The following CNTN6 variants were observed in gnomAD, a reference collection of about 807,000 sequenced individuals.
The protein encoded by CNTN6 is contactin 6.
A neutral mutation model predicts 122.8 loss-of-function variants in CNTN6; 137 were observed. The ratio of observed to expected loss-of-function variants is 1.12; its 90% CI spans 0.97 to 1.29. The LOEUF (loss-of-function observed/expected upper bound fraction) is 1.29. CNTN6 is among the 50% of genes most tolerant of loss of function. The pLI is 0.00. For synonymous variants in CNTN6, 570 were observed against 426.0 expected (o/e 1.34, Z -4.16); for missense variants, 1,634 against 1,223.4 (o/e 1.34, Z -5.01).
chr3:1,207,687 C>T (rs1009906293), intron 2 of CNTN6, among the ~76,000 whole-genome samples: 27 of 151,698 alleles, frequency 1.8e-4, no homozygotes, highest in Admixed American at 4.0e-4. Context: ...AGAATACAAA[C>T]GCTGTCACAG....
intron 6 of CNTN6, among the ~76,000 whole-genome samples, chr3:1,297,638 CTTTTT>C (rs71303106): frequency 7.2e-6 from 1 of 138,544 alleles, no homozygotes; most frequent in African/African-American, 2.6e-5. Context: ...TTGTTTTTTT[CTTTTT>C]TTTTTTTTTT....
chr3:1,281,058 T>G (rs1693326734), intron 5 of CNTN6, among the ~76,000 whole-genome samples: 1 of 152,186 alleles, frequency 6.6e-6, no homozygotes, highest in Non-Finnish European at 1.5e-5. Flanking sequence ...CCACAAAAGC[T>G]GAAGTCAGTT....
intron 2 of CNTN6, among the ~76,000 whole-genome samples, chr3:1,162,421 C>G (rs956046683): frequency 2.0e-5 from 3 of 152,098 alleles, no homozygotes; most frequent in Non-Finnish European, 4.4e-5. Context: ...ACCCCTTCTT[C>G]TTCGTAAAAG....
chr3:1,165,261 A>G (rs1030240728), intron 2 of CNTN6, among the ~76,000 whole-genome samples: 1 of 152,078 alleles, frequency 6.6e-6, no homozygotes, highest in Non-Finnish European at 1.5e-5. Context: ...CATTCTCATT[A>G]CCGCTCATCT....
intron 8 of CNTN6, among the ~76,000 whole-genome samples, chr3:1,322,636 A>ATG (rs1382894662): frequency 2.7e-5 from 4 of 150,478 alleles, no homozygotes; most frequent in East Asian, 2.0e-4. Flanking sequence ...ATATGTGTGT[A>ATG]TGTGTGTGTG....
rs118053184 is a variant in CNTN6 at position 1,213,266 on chromosome 3, T to G, written c.56-7421T>G. On this transcript the variant is annotated intron_variant, in intron 2 of 22. Coordinates refer to ENST00000446702, the MANE Select transcript of CNTN6 (RefSeq NM_001289080.2). Reference sequence around the variant, plus strand: ...AAAGCAAATGAATTAGCATTTGTTGTGTGCTTGTTTTGTGCCTGGCATAAT... The same window carrying G: ...AAAGCAAATGAATTAGCATTTGTTGGGTGCTTGTTTTGTGCCTGGCATAAT... Among the ~76,000 whole-genome samples the G allele has an allele frequency of 4.5e-3, 683 of 152,310 alleles. 24 individuals carry two copies. In the East Asian group the frequency reaches 0.056, roughly 12 times the overall value.
At chr3:1,249,067 A>T (rs2094621896) in intron 4 of CNTN6, among the ~76,000 whole-genome samples, 1 of 152,198 alleles carries the variant, frequency 6.6e-6, no homozygotes, top group South Asian at 2.1e-4. Flanking sequence ...GGTAACACTG[A>T]TGGTGCTGCC....
chr3:1,173,451 T>C, intron 2 of CNTN6: 1 of 357,426 alleles, frequency 2.8e-6, no homozygotes, highest in South Asian at 2.1e-5. Context: ...CAGGAAGTAT[T>C]ATAATCTCCA....
At chr3:1,309,051 G>A (rs774215550) in intron 7 of CNTN6, among the ~76,000 whole-genome samples, 12 of 152,052 alleles carry the variant, frequency 7.9e-5, no homozygotes, top group Non-Finnish European at 1.0e-4. Flanking sequence ...TCAGATATGC[G>A]TTTTGCCAAT....
intron 6 of CNTN6, among the ~76,000 whole-genome samples, chr3:1,296,514 C>G (rs1696266023): frequency 6.6e-6 from 1 of 152,022 alleles, no homozygotes; most frequent in Non-Finnish European, 1.5e-5. Context: ...GGGATTCATA[C>G]AGGTAGAAAA....
intron 2 of CNTN6, among the ~76,000 whole-genome samples, chr3:1,158,324 A>G (rs1440659113): frequency 2.0e-5 from 3 of 151,994 alleles, no homozygotes; most frequent in African/African-American, 2.4e-5. Flanking sequence ...TGCTATTTTT[A>G]TGTCTTCTTT....
At chr3:1,318,909 G>A (rs1341642758) in intron 7 of CNTN6, among the ~76,000 whole-genome samples, 2 of 151,702 alleles carry the variant, frequency 1.3e-5, no homozygotes, top group African/African-American at 2.4e-5. Flanking sequence ...GGAATCTGGG[G>A]CGGAAGAGGG....
At chr3:1,165,655 G>T (rs936875948) in intron 2 of CNTN6, among the ~76,000 whole-genome samples, 3 of 152,162 alleles carry the variant, frequency 2.0e-5, no homozygotes, top group African/African-American at 7.2e-5. Flanking sequence ...AGTAGCTGCT[G>T]AGTATCTCAC....
intron 16 of CNTN6, 73 bp from the exon 17 acceptor site, chr3:1,376,932 C>A: frequency 9.4e-7 from 1 of 1,067,070 alleles, no homozygotes; most frequent in African/African-American, 1.6e-5. Context: ...AAGTGAAATT[C>A]AAAAACAAAA....
Position 1,401,457 on chromosome 3 carries a change from T to G in CNTN6, c.2729T>G (p.Ile910Ser), listed in dbSNP as rs141852966. 2 of 1,611,780 alleles carry G rather than the reference T, an allele frequency of 1.2e-6. No homozygotes were observed. The highest frequency in any genetic ancestry group is 1.1e-5 in the South Asian group (1 of 90,970). The change falls in exon 21 of 23, where the codon ATT (isoleucine) becomes AGT (serine). Residue 910 changes from isoleucine (I) to serine (S), a missense_variant. Ile to Ser is a moderately radical substitution (Grantham distance 142). Transcript: ENST00000446702. ...GCTCCAAGCCAACCACCAGCAAACA[T>G]TGCCTGGAAGCTGACAAACTCTAAA... ...KSPPSQPPAN[I>S]AWKLTNSKLC... is the part of the protein sequence containing the mutation.
At chr3:1,387,557 T>TGTA (rs563214678) in intron 20 of CNTN6, among the ~76,000 whole-genome samples, 251 of 152,246 alleles carry the variant, frequency 1.6e-3, no homozygotes, top group Non-Finnish European at 2.8e-3. Context: ...AACTCTTGTG[T>TGTA]GTAGGGGGAG....
chr3:1,245,061 C>T lies in CNTN6; in HGVS notation c.358+17068C>T, dbSNP rs186277449. 2.4e-3 allele frequency among the ~76,000 whole-genome samples: 352 copies of T among 148,046 alleles called. 10 individuals are homozygous for T. The highest frequency in any genetic ancestry group is 0.022 in the Admixed American group (314 of 14,464). ...GTATACGTGCAAGTTACAGGGGATGCGATGGCCTGGTCTGGGCTCAGAGGC... is the reference window on the plus strand; with the variant it reads ...GTATACGTGCAAGTTACAGGGGATGTGATGGCCTGGTCTGGGCTCAGAGGC... On this transcript the variant is annotated intron_variant, in intron 4 of 22. Coordinates refer to ENST00000446702, the MANE Select transcript of CNTN6 (RefSeq NM_001289080.2).
At chr3:1,331,329 A>C (rs1702256216) in intron 11 of CNTN6, among the ~76,000 whole-genome samples, 1 of 152,030 alleles carries the variant, frequency 6.6e-6, no homozygotes, top group Non-Finnish European at 1.5e-5. Context: ...CTTAATAAAT[A>C]TCTGTGGAAT....
intron 1 of CNTN6, among the ~76,000 whole-genome samples, chr3:1,099,222 C>T (rs1006685967): frequency 2.4e-4 from 36 of 152,142 alleles, no homozygotes; most frequent in Middle Eastern, 3.4e-3. Context: ...GAGGCCGAGG[C>T]GGGCGGATCA....
Sources: allele counts gnomAD v4.1 joint callset (sites outside exome capture counted in the v4.1 genomes callset), GRCh38; gene constraint gnomAD v4.1.1; transcripts MANE v1.5; gene names NCBI Gene and HGNC (gene_info 2026-07-23, HGNC 2026-07-21).